VAV1: variants seen among roughly 807,000 people sequenced by gnomAD.
The protein encoded by VAV1 is proto-oncogene vav.
In VAV1, 33 loss-of-function variants were observed where a neutral mutation model predicts 128.1. The observed-to-expected ratio is 0.26, with a 90% CI of 0.20 to 0.34. The LOEUF (loss-of-function observed/expected upper bound fraction) is 0.34, where lower values mean the gene tolerates loss of function less well. Among genes scored for constraint, VAV1 ranks in the 10% least tolerant of loss-of-function variants. VAV1 has a pLI of 1.00. For synonymous variants in VAV1, 394 were observed against 409.8 expected (o/e 0.96, Z 0.47); for missense variants, 715 against 1,093.7 (o/e 0.65, Z 4.88).
At position 6,820,761 on chromosome 19, in the gene VAV1, C is replaced by T; in HGVS notation, c.264C>T (p.Leu88=). 1.2e-6 allele frequency: 2 copies of T among 1,614,216 alleles called. No individual in the cohort carries two copies. The highest frequency in any genetic ancestry group is 1.7e-6 in the Non-Finnish European group (2 of 1,180,038). ...FLSTCCEKFG[L]KRSELFEAFD... is the part of the protein sequence containing the mutation. ...CCACCTGCTGTGAGAAGTTCGGCCT[C>T]AAGCGGAGCGAGCTCTTCGAAGCCT... The change falls in exon 2 of 27, where the codon CTC becomes CTT. Residue 88 remains leucine (L), a synonymous_variant. Coordinates refer to ENST00000602142, the MANE Select transcript of VAV1 (RefSeq NM_005428.4). This position sits in a 1 kb window ranked among gnomAD's most constrained non-coding sequence, Gnocchi z 4.4.
intron 1 of VAV1, among the ~76,000 whole-genome samples, chr19:6,792,076 G>C (rs1971031261): frequency 6.6e-6 from 1 of 152,292 alleles, no homozygotes; most frequent in South Asian, 2.1e-4. Flanking sequence ...CCCTGACCAG[G>C]TGTGGTGGCT....
intron 1 of VAV1, among the ~76,000 whole-genome samples, chr19:6,819,803 G>C (rs536157677): frequency 6.6e-6 from 1 of 152,230 alleles, no homozygotes; most frequent in Admixed American, 6.5e-5. Context: ...GAACCTCAGA[G>C]AGTGCTGAAC....
chr19:6,845,434 AT>A (rs1405045524), intron 22 of VAV1, among the ~76,000 whole-genome samples: 2 of 151,900 alleles, frequency 1.3e-5, no homozygotes, highest in Non-Finnish European at 2.9e-5. Context: ...ATGAGGTGAA[AT>A]TCATACAACA....
rs34307869 is a variant in VAV1 at position 6,833,618 on chromosome 19, T to C, written c.1701T>C (p.His567=). The change falls in exon 17 of 27, where the codon CAT becomes CAC. Residue 567 remains histidine (H), a synonymous_variant. Transcript: ENST00000602142. ...CLGRVPPCGR[H]GQDFPGTMKK... is the part of the protein sequence containing the mutation. ...GGAGGGTCCCTCCATGTGGCCGACA[T>C]GGGCAAGGTACGAGTGGGAGGGAGG... 843 of 1,613,914 alleles carry C rather than the reference T, an allele frequency of 5.2e-4. 4 individuals are homozygous for C. The African/African-American group carries it at 9.9e-3, about 19-fold the overall frequency.
At chr19:6,818,178 T>C (rs1971701259) in intron 1 of VAV1, among the ~76,000 whole-genome samples, 1 of 152,166 alleles carries the variant, frequency 6.6e-6, no homozygotes, top group African/African-American at 2.4e-5. Context: ...GGTCTTGAAC[T>C]CCTGGGCTCA....
At chr19:6,824,398 A>G (rs1364076071) in intron 6 of VAV1, among the ~76,000 whole-genome samples, 1 of 152,120 alleles carries the variant, frequency 6.6e-6, no homozygotes, top group Non-Finnish European at 1.5e-5. Flanking sequence ...AGGGCATCAC[A>G]TACTATGTGG....
chr19:6,844,105 G>T lies in VAV1; in HGVS notation c.2012+939G>T, dbSNP rs170711. Among the ~76,000 whole-genome samples, 133 of 36,342 alleles carry T rather than the reference G, an allele frequency of 3.7e-3. 1 individual carries two copies. The highest frequency in any genetic ancestry group is 4.9e-3 in the Admixed American group (12 of 2,466). The allele number at this position is 36,342 out of a possible 152,430, so 23.8% of individuals were successfully genotyped here. On this transcript the variant is annotated intron_variant, in intron 22 of 26. Transcript: ENST00000602142. ...TTTTTTTTTTTTTTTTTTTTTTTTT[G>T]CAAATGAGGCTGAGAGAGGGTAAGT...
chr19:6,823,959 A>T (rs1971855302), intron 6 of VAV1, among the ~76,000 whole-genome samples: 1 of 151,748 alleles, frequency 6.6e-6, no homozygotes, highest in African/African-American at 2.4e-5. Flanking sequence ...TTGTTTTGAA[A>T]TGTGGTCTCA....
rs751283015 is a variant in VAV1, at chr19:6,843,150, C to G, written c.1996C>G (p.Leu666Val). ...GTATTCTTAGGGCCCTCCTCAGGAC[C>G]TGTCTGTTCATCTCTGGTGAGTAGA... ...KPYVHGPPQDLSVHLWYAGPM... is the reference protein window; with the variant it reads ...KPYVHGPPQDVSVHLWYAGPM... Residue 666 changes from leucine (L) to valine (V), a missense_variant, in exon 22 of 27, where the codon CTG becomes GTG. Leu to Val is a conservative substitution (Grantham distance 32, BLOSUM62 1). Around this residue, in one of 3 missense-constraint regions of VAV1, gnomAD observed 407 missense variants for 580.6 expected, o/e 0.70. Coordinates refer to ENST00000602142, the MANE Select transcript of VAV1 (RefSeq NM_005428.4). 27 of 1,614,032 alleles carry G rather than the reference C, an allele frequency of 1.7e-5. No homozygotes were observed. The East Asian group carries it at 5.8e-4, about 35-fold the overall frequency.
intron 1 of VAV1, among the ~76,000 whole-genome samples, chr19:6,809,081 T>C (rs1971459670): frequency 7.4e-6 from 1 of 134,790 alleles, no homozygotes; most frequent in African/African-American, 3.6e-5. Flanking sequence ...ACCTCTCTTT[T>C]TTTTTTTTTT....
At position 6,804,289 on chromosome 19, in the gene VAV1, C is replaced by G. The variant is rs554777349; in HGVS notation, c.205-16413C>G. ...CTAAGGAAAGAATTCAAGGGTGATT[C>G]CAGTGGTAGGGTAGACGAAAACAGC... is the stretch of plus-strand genomic sequence containing the variant. On this transcript the variant is annotated intron_variant, in intron 1 of 26. Coordinates refer to ENST00000602142, the MANE Select transcript of VAV1 (RefSeq NM_005428.4). 2.6e-5 allele frequency among the ~76,000 whole-genome samples: 4 copies of G among 151,760 alleles called. No individual in the cohort carries two copies. In the South Asian group the frequency reaches 8.3e-4, roughly 32 times the overall value.
At position 6,797,491 on chromosome 19, in the gene VAV1, T is replaced by G. The variant is rs368068443; in HGVS notation, c.205-23211T>G. 1.2e-4 allele frequency among the ~76,000 whole-genome samples: 18 copies of G among 151,778 alleles called. 2 individuals carry two copies. Among genetic ancestry groups the G allele is most frequent in the South Asian group, 4.2e-4 (2 of 4,802 alleles). ...GCCAAGGCGGGCGGATCATCTGAGG[T>G]TGGGAGTTCGAGACTCAGCCTCACC... On this transcript the variant is annotated intron_variant, in intron 1 of 26. Transcript: ENST00000602142.
intron 21 of VAV1, among the ~76,000 whole-genome samples, chr19:6,839,621 C>T (rs751118002): frequency 7.9e-5 from 12 of 152,008 alleles, no homozygotes; most frequent in Admixed American, 2.6e-4. Context: ...TAGGTAGAGG[C>T]GGTGATTCCT....
intron 3 of VAV1, 36 bp from the exon 4 acceptor site, chr19:6,821,755 C>T (rs41304774): frequency 6.2e-7 from 1 of 1,613,872 alleles, no homozygotes. Context: ...CTACCCAGCC[C>T]CCAGGCCCCT....
intron 22 of VAV1, among the ~76,000 whole-genome samples, chr19:6,847,034 C>T (rs532430950): frequency 6.9e-4 from 105 of 151,742 alleles, no homozygotes; most frequent in Non-Finnish European, 1.0e-3. Flanking sequence ...TTGCCTCAGC[C>T]TCCTGAATAG....
At chr19:6,809,666 T>G (rs1288238629) in intron 1 of VAV1, among the ~76,000 whole-genome samples, 2 of 151,876 alleles carry the variant, frequency 1.3e-5, no homozygotes, top group African/African-American at 4.8e-5. Context: ...ATTGACATGG[T>G]TAGATTTGCT....
intron 1 of VAV1, among the ~76,000 whole-genome samples, chr19:6,809,361 A>G (rs398650): frequency 0.91 from 138,346 of 152,210 alleles, 62,866 homozygotes; most frequent in Non-Finnish European, 0.91. Context: ...GGTTACAGGC[A>G]TGAGCCACCA....
intron 1 of VAV1, among the ~76,000 whole-genome samples, chr19:6,792,982 G>T (rs551514215): frequency 2.0e-4 from 30 of 152,076 alleles, no homozygotes; most frequent in Non-Finnish European, 3.4e-4. Context: ...TGTGTGGGGG[G>T]TCCAGGTTCC....
chr19:6,804,509 C>G (rs989552749), intron 1 of VAV1, among the ~76,000 whole-genome samples: 2 of 151,690 alleles, frequency 1.3e-5, no homozygotes, highest in Non-Finnish European at 2.9e-5. Context: ...CTCTGCCTCC[C>G]AGGTTCAAGC....
Sources: gnomAD v4.1 joint callset for allele counts (sites outside exome capture counted in the v4.1 genomes callset) on GRCh38, gnomAD v4.1.1 for gene constraint, gnomAD v4.1.1 regional missense constraint, Gnocchi (gnomAD v3.1) non-coding constraint, MANE v1.5 for transcripts, NCBI Gene and HGNC (gene_info 2026-07-23, HGNC 2026-07-21) for gene names.